Variants in SESN1 observed in about 807,000 individuals in gnomAD.
SESN1 encodes sestrin 1, also known as sestrin-1.
A neutral mutation model predicts 59.3 loss-of-function variants in SESN1; 30 were observed. The observed-to-expected ratio is 0.51, with a 90% CI of 0.38 to 0.69. The LOEUF is 0.69. Ranked by LOEUF, SESN1 falls within the 30% of genes least tolerant of loss-of-function variation. The pLI, the probability that SESN1 is intolerant of heterozygous loss-of-function variation, is 0.00. For synonymous variants in SESN1, 197 were observed against 219.9 expected (o/e 0.90, Z 0.92); for missense variants, 566 against 673.0 (o/e 0.84, Z 1.76).
At chr6:109,091,574 G>A (rs527946665) in intron 1 of SESN1, among the ~76,000 whole-genome samples, 22 of 152,190 alleles carry the variant, frequency 1.4e-4, no homozygotes, top group Non-Finnish European at 2.9e-4. Flanking sequence ...CCCTATGTCC[G>A]GAATGTCCCC....
intron 3 of SESN1, 63 bp downstream of exon 3, chr6:109,001,225 A>T: frequency 7.3e-7 from 1 of 1,362,922 alleles, no homozygotes; most frequent in South Asian, 1.2e-5. Context: ...TAAAGCATTA[A>T]CTGTCTCTTA....
rs561215130 is a variant in SESN1, at chr6:108,985,592, A to T, written c.*1952T>A. On this transcript the variant is annotated 3_prime_UTR_variant, in exon 10 of 10. Transcript: ENST00000436639. ...ATAAACATATTTTTTAACTCATTAA[A>T]ATTTTGATTTCAATTTCTAAGTGAT... is the stretch of plus-strand genomic sequence containing the variant. Among the ~76,000 whole-genome samples, 1 of 152,276 alleles carries T rather than the reference A, an allele frequency of 6.6e-6. No individual in the cohort carries two copies. The highest frequency in any genetic ancestry group is 2.1e-4 in the South Asian group (1 of 4,832).
intron 1 of SESN1, among the ~76,000 whole-genome samples, chr6:109,056,898 T>C (rs1234787633): frequency 6.6e-6 from 1 of 152,110 alleles, no homozygotes; most frequent in Admixed American, 6.5e-5. Context: ...ATAAAAGACA[T>C]TGCAACTTCC....
At chr6:109,085,468 G>A (rs758933460) in intron 1 of SESN1, among the ~76,000 whole-genome samples, 2 of 152,000 alleles carry the variant, frequency 1.3e-5, no homozygotes, top group African/African-American at 4.8e-5. Flanking sequence ...GCAGTGAGCC[G>A]AGGTCGCACC....
Position 109,093,864 on chromosome 6 carries a change from A to G in SESN1, c.210T>C (p.Leu70=), listed in dbSNP as rs778574754. ...DGLNKLLAHL[L]MLSKRCPFKD... ...TGAAGGGACACCTCTTAGAAAGCATAAGCAGATGAGCAAGTAGCTTATTCA... is the reference window on the plus strand; with the variant it reads ...TGAAGGGACACCTCTTAGAAAGCATGAGCAGATGAGCAAGTAGCTTATTCA... Residue 70 remains leucine, a synonymous_variant, in exon 1 of 10, where the codon CTT becomes CTC. Transcript: ENST00000436639. 3 of 1,614,230 alleles carry G rather than the reference A, an allele frequency of 1.9e-6. No individual in the cohort carries two copies. The highest frequency in any genetic ancestry group is 4.5e-5 in the East Asian group (2 of 44,886).
intron 4 of SESN1, 76 bp downstream of exon 4, chr6:109,000,415 G>T: frequency 8.7e-7 from 1 of 1,149,620 alleles, no homozygotes; most frequent in Non-Finnish European, 1.2e-6. Context: ...TACTTTCTGT[G>T]CGATTTTTCT....
intron 1 of SESN1, among the ~76,000 whole-genome samples, chr6:109,039,716 C>A (rs1054135940): frequency 6.6e-6 from 1 of 152,200 alleles, no homozygotes; most frequent in African/African-American, 2.4e-5. Context: ...AAACGAGAAC[C>A]AGTATTTTCA....
chr6:108,997,019 T>TA (rs1190946995), intron 5 of SESN1, among the ~76,000 whole-genome samples: 1 of 152,118 alleles, frequency 6.6e-6, no homozygotes, highest in Non-Finnish European at 1.5e-5. Flanking sequence ...AATGAATAAG[T>TA]AGTTTCCAGG....
intron 1 of SESN1, among the ~76,000 whole-genome samples, chr6:109,087,419 T>C (rs1781231508): frequency 6.6e-6 from 1 of 152,044 alleles, no homozygotes; most frequent in East Asian, 1.9e-4. Context: ...AACCTGAGAA[T>C]AAAGAATATT....
At chr6:109,040,098 T>C (rs1780314767) in intron 1 of SESN1, among the ~76,000 whole-genome samples, 1 of 152,202 alleles carries the variant, frequency 6.6e-6, no homozygotes, top group Non-Finnish European at 1.5e-5. Flanking sequence ...GTATTATCTT[T>C]AGCGTAAAAA....
intron 1 of SESN1, among the ~76,000 whole-genome samples, chr6:109,091,578 T>C (rs929419473): frequency 6.6e-6 from 1 of 152,254 alleles, no homozygotes; most frequent in Non-Finnish European, 1.5e-5. Context: ...ATGTCCGGAA[T>C]GTCCCCTCAC....
intron 1 of SESN1, among the ~76,000 whole-genome samples, chr6:109,022,407 A>T: frequency 6.9e-6 from 1 of 144,498 alleles, no homozygotes; most frequent in African/African-American, 2.6e-5. Flanking sequence ...GCATTGTTCT[A>T]AAGCTTTTTT....
At chr6:109,073,777 T>C (rs1216782065) in intron 1 of SESN1, among the ~76,000 whole-genome samples, 2 of 152,208 alleles carry the variant, frequency 1.3e-5, no homozygotes, top group African/African-American at 2.4e-5. Flanking sequence ...AGAGTACAGT[T>C]TACTGAAGTT....
In SESN1 at chr6:109,018,454, G is replaced by A. The variant is rs558274661; in HGVS notation, c.280-16111C>T. On this transcript the variant is annotated intron_variant, in intron 1 of 9. Coordinates refer to ENST00000436639, the MANE Select transcript of SESN1 (RefSeq NM_014454.3). ...TCAGCTGAAGTAAAACTATAATAGT[G>A]AGTGAACTGCTACAGCAAGTGGATA... is the stretch of plus-strand genomic sequence containing the variant. Among the ~76,000 whole-genome samples the A allele has an allele frequency of 3.7e-4, 57 of 152,296 alleles. 1 individual carries two copies. The highest frequency in any genetic ancestry group is 1.3e-3 in the African/African-American group (53 of 41,556).
intron 1 of SESN1, among the ~76,000 whole-genome samples, chr6:109,074,287 T>C (rs1218523515): frequency 2.1e-5 from 3 of 145,646 alleles, no homozygotes; most frequent in Non-Finnish European, 4.5e-5. Flanking sequence ...ACTGTATATA[T>C]GTGTGTATAT....
chr6:108,988,853 TA>T (rs1420318965), intron 8 of SESN1, among the ~76,000 whole-genome samples, 166 bp from the exon 9 acceptor site: 2 of 152,140 alleles, frequency 1.3e-5, no homozygotes, highest in Non-Finnish European at 2.9e-5. Flanking sequence ...TAAGTGAGTA[TA>T]AAGGGATAAG....
chr6:109,004,352 C>G (rs1033046985), intron 1 of SESN1, among the ~76,000 whole-genome samples: 3 of 151,556 alleles, frequency 2.0e-5, no homozygotes, highest in Non-Finnish European at 4.4e-5. Context: ...AAACAGAAAG[C>G]TAGGAATTAT....
intron 1 of SESN1, among the ~76,000 whole-genome samples, chr6:109,081,655 A>G (rs946457599): frequency 6.6e-6 from 1 of 152,174 alleles, no homozygotes; most frequent in Non-Finnish European, 1.5e-5. Context: ...AGCAGACAGG[A>G]AAGTCTGGTG....
intron 1 of SESN1, among the ~76,000 whole-genome samples, chr6:109,076,663 A>G (rs1781037040): frequency 6.6e-6 from 1 of 152,196 alleles, no homozygotes. Flanking sequence ...ACAACAGAAC[A>G]TTAATTACTT....
Sources: allele counts gnomAD v4.1 joint callset (sites outside exome capture counted in the v4.1 genomes callset), GRCh38; gene constraint gnomAD v4.1.1; transcripts MANE v1.5; gene names NCBI Gene and HGNC (gene_info 2026-07-23, HGNC 2026-07-21).